CDYL2: variants seen among roughly 807,000 people sequenced by gnomAD.
CDYL2 encodes the protein chromodomain Y like 2.
CDYL2 carries 23 observed loss-of-function variants against 49.4 expected under a neutral mutation model. That is an observed-to-expected ratio of 0.47 (90% CI 0.34 to 0.66). The LOEUF (loss-of-function observed/expected upper bound fraction) is 0.66, where lower values mean the gene tolerates loss of function less well. Ranked by LOEUF, CDYL2 falls within the 30% of genes least tolerant of loss-of-function variation. The pLI is 0.01. For synonymous variants in CDYL2, 360 were observed against 268.8 expected (o/e 1.34, Z -3.32); for missense variants, 678 against 656.4 (o/e 1.03, Z -0.36).
Position 80,633,145 on chromosome 16 carries a change from G to C in CDYL2, c.708C>G (p.Leu236=), listed in dbSNP as rs746864822. ...TTTCATTCTGGCGGACACTGTATCTGAGCCTTTTGTCAAAGACGTAGTCCT... is the reference window on the plus strand; with the variant it reads ...TTTCATTCTGGCGGACACTGTATCTCAGCCTTTTGTCAAAGACGTAGTCCT... The part of the protein sequence containing the change: ...AEKDYVFDKR[L]RYSVRQNESN... Residue 236 remains leucine (L), a synonymous_variant, in exon 3 of 7, where the codon CTC becomes CTG. Transcript: ENST00000570137. 5.0e-5 allele frequency: 81 copies of C among 1,614,086 alleles called. No individual in the cohort carries two copies. The highest frequency in any genetic ancestry group is 6.0e-5 in the Non-Finnish European group (71 of 1,180,042).
rs1490527592 is a variant in CDYL2, at chr16:80,612,564, TA to T, written c.1218+61del. 4.0e-6 allele frequency: 6 copies of T among 1,505,516 alleles called. No individual in the cohort carries two copies. The highest frequency in any genetic ancestry group is 5.4e-6 in the Non-Finnish European group (6 of 1,118,900). 93.3% of individuals were successfully genotyped at this position (1,505,516 alleles called of 1,614,324 possible). A position where few individuals can be genotyped will look rare whatever the true frequency, so the allele number is the denominator to read the frequency against. ...GGTTTCTAGCCCCATGAAGAGCCCC[TA>T]AACCCAAGGCAGAGGAAGGATCCTG... On this transcript the variant is annotated intron_variant, in intron 5 of 6. Transcript: ENST00000570137. The surrounding 1 kb of genome is among the most constrained non-coding windows in gnomAD (Gnocchi z 5.0).
chr16:80,707,076 C>A (rs767247812), intron 1 of CDYL2, among the ~76,000 whole-genome samples: 1 of 152,224 alleles, frequency 6.6e-6, no homozygotes, highest in East Asian at 1.9e-4. Context: ...CAACTCCCTG[C>A]ACCCAGAGCC....
chr16:80,598,981 G>A lies in CDYL2; in HGVS notation c.*5407C>T, dbSNP rs1417137507. The A allele has an allele frequency of 6.6e-6, 1 of 152,002 alleles. No individual in the cohort carries two copies. Among genetic ancestry groups the A allele is most frequent in the African/African-American group, 2.4e-5 (1 of 41,354 alleles). 9.4% of individuals were successfully genotyped at this position (152,002 alleles called of 1,614,324 possible). ...CGACACTGGCAAATGACTTCAAGCTGGGACTAATGGCACAGGGACAAATTA... is the reference window on the plus strand; with the variant it reads ...CGACACTGGCAAATGACTTCAAGCTAGGACTAATGGCACAGGGACAAATTA... On this transcript the variant is annotated 3_prime_UTR_variant, in exon 7 of 7. Transcript: ENST00000570137.
chr16:80,684,506 A>C (rs1223995392), intron 2 of CDYL2, 32 bp downstream of exon 2: 2 of 1,589,664 alleles, frequency 1.3e-6, no homozygotes, highest in Non-Finnish European at 1.7e-6. Context: ...CCATGGCCAG[A>C]GCCAAACCCA....
rs138766382 is a variant in CDYL2, at chr16:80,755,316, T to C, written c.24+48834A>G. 1.9e-3 allele frequency among the ~76,000 whole-genome samples: 289 copies of C among 152,190 alleles called. 2 individuals carry two copies. Among genetic ancestry groups the C allele is most frequent in the African/African-American group, 6.7e-3 (280 of 41,536 alleles). ...CTGGACATCTTGAATCCATGTAAGG[T>C]GAATTGGAAGGGCTTCCTTGCTCCC... On this transcript the variant is annotated intron_variant, in intron 1 of 6. Coordinates refer to ENST00000570137, the MANE Select transcript of CDYL2 (RefSeq NM_152342.4).
chr16:80,683,897 A>G (rs1910068270), intron 2 of CDYL2, among the ~76,000 whole-genome samples: 1 of 152,216 alleles, frequency 6.6e-6, no homozygotes, highest in Non-Finnish European at 1.5e-5. Flanking sequence ...GTGAGAAATT[A>G]GATTTCCATT....
rs1395827944 is a variant in CDYL2, at chr16:80,602,493, G to A, written c.*1895C>T. The stretch of plus-strand genomic sequence containing the variant: ...TTAAAGGACCATGTCTCTAGATCTG[G>A]TGTAGACTATCAACGTGTTCTTTGA... On this transcript the variant is annotated 3_prime_UTR_variant, in exon 7 of 7. Transcript: ENST00000570137. 1 of 152,188 alleles carries A rather than the reference G, an allele frequency of 6.6e-6. No individual in the cohort carries two copies. Among genetic ancestry groups the A allele is most frequent in the South Asian group, 2.1e-4 (1 of 4,822 alleles). The allele number at this position is 152,188 out of a possible 1,614,324, so 9.4% of individuals were successfully genotyped here.
At position 80,633,196 on chromosome 16, in the gene CDYL2, T is replaced by C. The variant is rs73592252; in HGVS notation, c.657A>G (p.Pro219=). 0.013 allele frequency: 20,880 copies of C among 1,614,136 alleles called. 1,644 individuals carry two copies. In the African/African-American group the frequency reaches 0.2, roughly 16 times the overall value. Residue 219 remains proline, a synonymous_variant, in exon 3 of 7, where the codon CCA becomes CCG. Coordinates refer to ENST00000570137, the MANE Select transcript of CDYL2 (RefSeq NM_152342.4). ...LTNGGLNLHS[P]VKRKLEAEKD... ...TCTCCGCTTCCAGCTTCCTCTTCAC[T>C]GGACTGTGCAGGTTCAATCCCCCGT...
intron 2 of CDYL2, among the ~76,000 whole-genome samples, chr16:80,677,533 T>A (rs2142462515): frequency 6.6e-6 from 1 of 151,678 alleles, no homozygotes; most frequent in East Asian, 2.0e-4. Context: ...GGTCAGGAGA[T>A]GAGACCATGC....
chr16:80,685,124 T>C lies in CDYL2; in HGVS notation c.30A>G (p.Glu10=), dbSNP rs1201402129. 6.2e-7 allele frequency: 1 copy of C among 1,606,928 alleles called. No individual in the cohort carries two copies. Among genetic ancestry groups the C allele is most frequent in the African/African-American group, 1.3e-5 (1 of 74,774 alleles). Reference sequence around the variant, plus strand: ...TGTTCTTCCTCTTGTCTACAATCCTTTCAACCTGCGATACAAGATGAGAGG... The same window carrying C: ...TGTTCTTCCTCTTGTCTACAATCCTCTCAACCTGCGATACAAGATGAGAGG... MASGDLYEV[E]RIVDKRKNKK... The change falls in exon 2 of 7, where the codon GAA becomes GAG. Residue 10 remains glutamate, a synonymous_variant. Transcript: ENST00000570137.
chr16:80,680,245 C>A (rs1221203482), intron 2 of CDYL2, among the ~76,000 whole-genome samples: 3 of 152,144 alleles, frequency 2.0e-5, no homozygotes, highest in African/African-American at 4.8e-5. Flanking sequence ...AACACTGAAT[C>A]ATGCAATGTG....
intron 1 of CDYL2, among the ~76,000 whole-genome samples, chr16:80,713,958 G>C (rs562909107): frequency 1.3e-5 from 2 of 152,276 alleles, no homozygotes; most frequent in South Asian, 4.2e-4. Flanking sequence ...TGTGCTTCCA[G>C]ACGGGTCAGC....
chr16:80,725,517 T>C (rs112198670), intron 1 of CDYL2, among the ~76,000 whole-genome samples: 2 of 152,308 alleles, frequency 1.3e-5, no homozygotes, highest in African/African-American at 4.8e-5. Flanking sequence ...TCAGGAAACA[T>C]TCATTGGATA....
chr16:80,657,640 T>G (rs1019004858), intron 2 of CDYL2, among the ~76,000 whole-genome samples: 2 of 152,022 alleles, frequency 1.3e-5, no homozygotes, highest in African/African-American at 4.8e-5. Flanking sequence ...ATTCAAGACC[T>G]TGACAATATA....
intron 5 of CDYL2, among the ~76,000 whole-genome samples, chr16:80,608,663 G>A (rs948364028): frequency 6.6e-6 from 1 of 152,158 alleles, no homozygotes; most frequent in African/African-American, 2.4e-5. Context: ...GGGGTTTCCA[G>A]CTGCAGGTGT....
At chr16:80,645,504 T>C (rs1908299135) in intron 2 of CDYL2, among the ~76,000 whole-genome samples, 1 of 152,134 alleles carries the variant, frequency 6.6e-6, no homozygotes, top group Non-Finnish European at 1.5e-5. Flanking sequence ...GGAGAGGATG[T>C]GGAGAAATAG....
At chr16:80,775,331 G>C (rs1306578725) in intron 1 of CDYL2, among the ~76,000 whole-genome samples, 1 of 151,676 alleles carries the variant, frequency 6.6e-6, no homozygotes, top group Non-Finnish European at 1.5e-5. Flanking sequence ...AAGTAGGTAT[G>C]ATACAAAACC....
At position 80,633,333 on chromosome 16, in the gene CDYL2, G is replaced by C. The variant is rs370870172; in HGVS notation, c.617-97C>G. 9 of 1,226,056 alleles carry C rather than the reference G, an allele frequency of 7.3e-6. No individual in the cohort carries two copies. In the African/African-American group the frequency reaches 1.3e-4, roughly 18 times the overall value. The allele number at this position is 1,226,056 out of a possible 1,614,324, so 75.9% of individuals were successfully genotyped here. On this transcript the variant is annotated intron_variant, in intron 2 of 6. Coordinates refer to ENST00000570137, the MANE Select transcript of CDYL2 (RefSeq NM_152342.4). ...GTTGGGATTTCCAATGGAAAGGTTT[G>C]GATGTGCTGGGACACACCACCTTCT... is the stretch of plus-strand genomic sequence containing the variant.
At chr16:80,686,736 A>G (rs1295207143) in intron 1 of CDYL2, among the ~76,000 whole-genome samples, 1 of 152,216 alleles carries the variant, frequency 6.6e-6, no homozygotes, top group East Asian at 1.9e-4. Flanking sequence ...AAATAATTAA[A>G]CCACTTTCTT....
Sources: allele counts gnomAD v4.1 joint callset (sites outside exome capture counted in the v4.1 genomes callset), GRCh38; gene constraint gnomAD v4.1.1; non-coding constraint Gnocchi (gnomAD v3.1); transcripts MANE v1.5; gene names NCBI Gene and HGNC (gene_info 2026-07-23, HGNC 2026-07-21).